PPP1R9A: variants seen among roughly 807,000 people sequenced by gnomAD.
The protein encoded by PPP1R9A is neurabin-1.
A neutral mutation model predicts 141.9 loss-of-function variants in PPP1R9A; 59 were observed. That is an observed-to-expected ratio of 0.42 (90% confidence interval 0.34 to 0.52). PPP1R9A has a LOEUF of 0.52. Among genes scored for constraint, PPP1R9A ranks in the 20% least tolerant of loss-of-function variants. The pLI, the probability that PPP1R9A is intolerant of heterozygous loss-of-function variation, is 0.10. For synonymous variants in PPP1R9A, 500 were observed against 569.7 expected, an observed-to-expected ratio of 0.88 and a Z score of 1.74; for missense variants, 1,444 against 1,611.9, an observed-to-expected ratio of 0.90 and a Z score of 1.78.
At chr7:94,973,391 T>C (rs1473283540) in intron 2 of PPP1R9A, among the ~76,000 whole-genome samples, 1 of 152,204 alleles carries the variant, frequency 6.6e-6, no homozygotes, top group Non-Finnish European at 1.5e-5. Context: ...TGATGTCATG[T>C]GTTGAGAACC....
chr7:95,160,616 T>C (rs1243174499), intron 4 of PPP1R9A, among the ~76,000 whole-genome samples: 1 of 152,154 alleles, frequency 6.6e-6, no homozygotes, highest in Non-Finnish European at 1.5e-5. Flanking sequence ...TGAATGATCC[T>C]GTCGCCTAGG....
At chr7:94,908,488 G>T (rs539681936) in intron 1 of PPP1R9A, 5 of 152,366 alleles carry the variant, frequency 3.3e-5, no homozygotes, top group African/African-American at 1.2e-4. Flanking sequence ...CACAAAGCTA[G>T]ACTGCGACCT....
At chr7:95,030,683 A>G (rs1292835942) in intron 2 of PPP1R9A, among the ~76,000 whole-genome samples, 3 of 152,134 alleles carry the variant, frequency 2.0e-5, no homozygotes, top group Non-Finnish European at 2.9e-5. Flanking sequence ...AACAGGGAGC[A>G]ACGTTGCCTA....
intron 2 of PPP1R9A, among the ~76,000 whole-genome samples, chr7:95,007,574 A>T (rs1349046849): frequency 6.6e-6 from 1 of 152,148 alleles, no homozygotes; most frequent in East Asian, 1.9e-4. Flanking sequence ...TGAAATAGTA[A>T]CTTTATTTTA....
intron 2 of PPP1R9A, among the ~76,000 whole-genome samples, chr7:95,104,895 G>A (rs1480057732): frequency 6.6e-6 from 1 of 152,186 alleles, no homozygotes; most frequent in Non-Finnish European, 1.5e-5. Flanking sequence ...GGTGAGTCAG[G>A]GTTCTGCCAA....
At chr7:95,021,463 C>T (rs1805953176) in intron 2 of PPP1R9A, among the ~76,000 whole-genome samples, 1 of 152,032 alleles carries the variant, frequency 6.6e-6, no homozygotes, top group Admixed American at 6.6e-5. Flanking sequence ...TTTGAAGAAG[C>T]TCTAGTTTAA....
intron 2 of PPP1R9A, among the ~76,000 whole-genome samples, chr7:94,960,774 A>G (rs1797550614): frequency 6.6e-6 from 1 of 151,678 alleles, no homozygotes; most frequent in South Asian, 2.1e-4. Flanking sequence ...TTTTAAATCC[A>G]GATCTCTTTT....
chr7:95,181,456 AATAT>A (rs1195891790), intron 5 of PPP1R9A, among the ~76,000 whole-genome samples: 2 of 137,750 alleles, frequency 1.5e-5, no homozygotes, highest in African/African-American at 5.3e-5. Flanking sequence ...ATATATATAG[AATAT>A]ATATAGAGAA....
At chr7:95,171,499 T>C (rs1832107104) in intron 5 of PPP1R9A, among the ~76,000 whole-genome samples, 1 of 151,550 alleles carries the variant, frequency 6.6e-6, no homozygotes, top group Non-Finnish European at 1.5e-5. Context: ...CAAGTTAGAA[T>C]GAGAAGGTGT....
chr7:95,035,714 A>T (rs534609989), intron 2 of PPP1R9A: 32 of 152,334 alleles, frequency 2.1e-4, no homozygotes, highest in African/African-American at 7.5e-4. Context: ...GTATGTTTTA[A>T]TAACAAAATC....
chr7:94,993,963 A>G (rs1563093506), intron 2 of PPP1R9A, among the ~76,000 whole-genome samples: 1 of 152,224 alleles, frequency 6.6e-6, no homozygotes, highest in Admixed American at 6.5e-5. Flanking sequence ...GGAGGAAAAG[A>G]AATATCTTTT....
intron 2 of PPP1R9A, among the ~76,000 whole-genome samples, chr7:95,055,823 A>T (rs1203375429): frequency 1.3e-5 from 2 of 152,066 alleles, no homozygotes; most frequent in African/African-American, 4.8e-5. Flanking sequence ...TGACCTCAAC[A>T]TACGTTAGGA....
chr7:94,909,236 TTAA>T (rs1791174018), intron 1 of PPP1R9A, among the ~76,000 whole-genome samples: 1 of 152,206 alleles, frequency 6.6e-6, no homozygotes, highest in African/African-American at 2.4e-5. Flanking sequence ...CACTCCATAA[TTAA>T]TAATAACCAC....
intron 16 of PPP1R9A, among the ~76,000 whole-genome samples, chr7:95,280,066 G>T (rs973460294): frequency 6.6e-6 from 1 of 152,132 alleles, no homozygotes; most frequent in African/African-American, 2.4e-5. Flanking sequence ...TCTGAGTAGG[G>T]GGCGGGGGTT....
chr7:94,924,668 A>G (rs1793244578), intron 2 of PPP1R9A, among the ~76,000 whole-genome samples: 1 of 152,018 alleles, frequency 6.6e-6, no homozygotes, highest in Non-Finnish European at 1.5e-5. Context: ...AGCTGGAATT[A>G]CAGGCACGCA....
At chr7:95,217,281 C>T (rs548607481) in intron 7 of PPP1R9A, among the ~76,000 whole-genome samples, 91 of 152,194 alleles carry the variant, frequency 6.0e-4, no homozygotes, top group African/African-American at 2.0e-3. Context: ...TATTGATTTG[C>T]GTGTGAGGAA....
intron 2 of PPP1R9A, among the ~76,000 whole-genome samples, chr7:95,090,803 A>C (rs1198687345): frequency 6.6e-6 from 1 of 152,008 alleles, no homozygotes; most frequent in Non-Finnish European, 1.5e-5. Flanking sequence ...GTGAGACTCC[A>C]TCTCAAAAAA....
At chr7:95,021,756 GT>G (rs1419204356) in intron 2 of PPP1R9A, among the ~76,000 whole-genome samples, 1 of 152,050 alleles carries the variant, frequency 6.6e-6, no homozygotes, top group Non-Finnish European at 1.5e-5. Context: ...TTTTTGTGAG[GT>G]TTGTCAAAGA....
intron 5 of PPP1R9A, among the ~76,000 whole-genome samples, chr7:95,170,106 T>A (rs2152745987): frequency 6.6e-6 from 1 of 151,812 alleles, no homozygotes; most frequent in Non-Finnish European, 1.5e-5. Flanking sequence ...GTACATTGGA[T>A]GGGATAACAG....
Sources: gnomAD v4.1 joint callset for allele counts (sites outside exome capture counted in the v4.1 genomes callset) on GRCh38, gnomAD v4.1.1 for gene constraint, MANE v1.5 for transcripts, NCBI Gene and HGNC (gene_info 2026-07-23, HGNC 2026-07-21) for gene names.